The following TBCK variants were observed in gnomAD, a reference collection of about 807,000 sequenced individuals.
TBCK encodes the protein TBC1 domain containing kinase, also known as TBC domain-containing protein kinase-like protein.
A neutral mutation model predicts 113.4 loss-of-function variants in TBCK; 99 were observed. The observed-to-expected ratio is 0.87, with a 90% CI of 0.74 to 1.03. The LOEUF (loss-of-function observed/expected upper bound fraction) is 1.03. Ranked by LOEUF, TBCK falls within the 50% of genes least tolerant of loss-of-function variation. The pLI is 0.00. For synonymous variants in TBCK, 369 were observed against 370.8 expected (o/e 1.00, Z 0.05); for missense variants, 1,045 against 1,061.3 (o/e 0.98, Z 0.21).
intron 3 of TBCK, among the ~76,000 whole-genome samples, chr4:106,290,660 T>G (rs966195219): frequency 6.6e-6 from 1 of 152,058 alleles, no homozygotes; most frequent in African/African-American, 2.4e-5. Flanking sequence ...ACAACAGGGG[T>G]TCCCAACCCC....
At chr4:106,212,703 G>T in intron 20 of TBCK, 47 bp downstream of exon 20, 1 of 1,306,670 alleles carries the variant, frequency 7.7e-7, no homozygotes, top group Non-Finnish European at 1.1e-6. Flanking sequence ...AATAATTTCT[G>T]CTTTTTTTTT....
intron 19 of TBCK, among the ~76,000 whole-genome samples, chr4:106,219,726 A>G (rs920145145): frequency 1.3e-5 from 2 of 151,894 alleles, no homozygotes; most frequent in African/African-American, 4.8e-5. Context: ...TTAAATATAG[A>G]CTGGGTTTTG....
intron 23 of TBCK, 53 bp downstream of exon 23, chr4:106,171,042 T>A: frequency 6.9e-7 from 1 of 1,440,222 alleles, no homozygotes; most frequent in East Asian, 2.4e-5. Context: ...GGTATATTAA[T>A]TTTAACATCC....
At position 106,244,744 on chromosome 4, in the gene TBCK, C is replaced by G; in HGVS notation, c.952G>C (p.Ala318Pro). Residue 318 changes from alanine to proline, a missense_variant, in exon 11 of 26, where the codon GCA (alanine) becomes CCA (proline). Ala to Pro is a conservative substitution (Grantham distance 27). Coordinates refer to ENST00000394708, the MANE Select transcript of TBCK (RefSeq NM_001163435.3). The part of the protein sequence containing the change: ...LCKDINNDYL[A>P]ERSIEEVYYL... Reference sequence around the variant, plus strand: ...TACACTTCTTCAATAGATCTTTCTGCCAGGTAATCATTATTTATATCTATT... The same window carrying G: ...TACACTTCTTCAATAGATCTTTCTGGCAGGTAATCATTATTTATATCTATT... 1 of 1,589,648 alleles carries G rather than the reference C, an allele frequency of 6.3e-7. No homozygotes were observed. Among genetic ancestry groups the G allele is most frequent in the Non-Finnish European group, 8.6e-7 (1 of 1,166,232 alleles).
chr4:106,307,650 G>A lies in TBCK; in HGVS notation c.193+1118C>T, dbSNP rs907154507. Among the ~76,000 whole-genome samples the A allele has an allele frequency of 3.3e-5, 5 of 151,922 alleles. 1 individual carries two copies. Among genetic ancestry groups the A allele is most frequent in the Admixed American group, 3.3e-4 (5 of 15,260 alleles). ...AGTTGAATATCACCAACTACATAGG[G>A]TTTACTTTCAGATTTTTTTACGTCT... On this transcript the variant is annotated intron_variant, in intron 2 of 25. Transcript: ENST00000394708.
At chr4:106,070,839 C>G (rs1439065926) in intron 25 of TBCK, among the ~76,000 whole-genome samples, 1 of 152,092 alleles carries the variant, frequency 6.6e-6, no homozygotes, top group South Asian at 2.1e-4. Context: ...TTGGTCTGTT[C>G]AGGGATTCAA....
intron 25 of TBCK, among the ~76,000 whole-genome samples, chr4:106,089,732 A>T (rs925081940): frequency 6.6e-6 from 1 of 152,210 alleles, no homozygotes; most frequent in African/African-American, 2.4e-5. Flanking sequence ...CAAGTCTGAA[A>T]CTCAGCAGGA....
chr4:106,231,730 T>A lies in TBCK; in HGVS notation c.1689A>T (p.Glu563Asp). 1 of 1,608,202 alleles carries A rather than the reference T, an allele frequency of 6.2e-7. No homozygotes were observed. ...APFLYLNFNN[E>D]ALAYACMSAF... ...TATTTAAATGTTAAAGAGGCTTACC[T>A]TCATTATTGAAGTTTAGATATAGGA... The change falls in exon 18 of 26, where the codon GAA (glutamate) becomes GAT (aspartate). Residue 563 changes from glutamate to aspartate, a missense_variant and splice_region_variant. Physicochemically the swap from Glu to Asp is conservative, Grantham distance 45. Transcript: ENST00000394708.
chr4:106,119,422 C>A (rs1464298418), intron 23 of TBCK, among the ~76,000 whole-genome samples: 6 of 152,092 alleles, frequency 3.9e-5, no homozygotes, highest in Non-Finnish European at 8.8e-5. Flanking sequence ...AAAGGACAGT[C>A]TTTTCAATAA....
intron 25 of TBCK, among the ~76,000 whole-genome samples, chr4:106,078,782 C>T (rs1250633098): frequency 1.3e-5 from 2 of 151,798 alleles, no homozygotes; most frequent in African/African-American, 2.4e-5. Context: ...TTCTGCAGCT[C>T]ATTCTATGAA....
intron 23 of TBCK, among the ~76,000 whole-genome samples, chr4:106,149,649 G>A (rs11097914): frequency 6.6e-6 from 1 of 151,952 alleles, no homozygotes; most frequent in African/African-American, 2.4e-5. Flanking sequence ...ACATCAAAGA[G>A]CACTGATCAC....
intron 22 of TBCK, among the ~76,000 whole-genome samples, chr4:106,189,692 G>A (rs971630979): frequency 6.6e-6 from 1 of 151,736 alleles, no homozygotes; most frequent in African/African-American, 2.4e-5. Context: ...TATAGCATTC[G>A]TATTTTGGTA....
chr4:106,075,142 T>C (rs1261344768), intron 25 of TBCK, among the ~76,000 whole-genome samples: 1 of 151,894 alleles, frequency 6.6e-6, no homozygotes, highest in African/African-American at 2.4e-5. Flanking sequence ...TCAAAATTAG[T>C]GGGAAGGAAA....
In TBCK at chr4:106,208,587, C is replaced by T. The variant is rs116463942; in HGVS notation, c.1860+4163G>A. Among the ~76,000 whole-genome samples the T allele has an allele frequency of 6.6e-3, 1,011 of 152,244 alleles. 16 individuals carry two copies. In the South Asian group the frequency reaches 0.083, roughly 13 times the overall value. On this transcript the variant is annotated intron_variant, in intron 20 of 25. Transcript: ENST00000394708. ...TGTCCAACTCAGGCTTCCTTCTCTGCTGAGAGCTGTTTTGTTACTGAGTAA... is the reference window on the plus strand; with the variant it reads ...TGTCCAACTCAGGCTTCCTTCTCTGTTGAGAGCTGTTTTGTTACTGAGTAA...
At chr4:106,230,812 G>A (rs1758774743) in intron 18 of TBCK, among the ~76,000 whole-genome samples, 1 of 151,724 alleles carries the variant, frequency 6.6e-6, no homozygotes, top group Admixed American at 6.6e-5. Context: ...GCAAACAAGA[G>A]TCTACGAACT....
Position 106,043,176 on chromosome 4 carries a change from AT to A in TBCK, c.*3393del, listed in dbSNP as rs1248328461. On this transcript the variant is annotated 3_prime_UTR_variant, in exon 26 of 26. Transcript: ENST00000394708. The stretch of plus-strand genomic sequence containing the variant: ...TTTCAAACTTGGTTAAGCATTAGTT[AT>A]TTTTAATATGCTTTTTGAATCTAAC... 2.6e-5 allele frequency: 4 copies of A among 152,270 alleles called. No individual in the cohort carries two copies. Among genetic ancestry groups the A allele is most frequent in the African/African-American group, 9.6e-5 (4 of 41,556 alleles). The allele number at this position is 152,270 out of a possible 1,614,324, so 9.4% of individuals were successfully genotyped here. A position where few individuals can be genotyped will look rare whatever the true frequency, so the allele number is the denominator to read the frequency against.
chr4:106,303,524 G>C (rs1010737355), intron 2 of TBCK, among the ~76,000 whole-genome samples: 3 of 151,998 alleles, frequency 2.0e-5, no homozygotes, highest in African/African-American at 7.3e-5. Context: ...CATTTCCTTA[G>C]ATGTTTACTA....
chr4:106,071,489 G>A (rs970854247), intron 25 of TBCK, among the ~76,000 whole-genome samples: 2 of 152,054 alleles, frequency 1.3e-5, no homozygotes, highest in African/African-American at 2.4e-5. Context: ...CTGTTCTTTT[G>A]CATTTGCTGA....
intron 2 of TBCK, among the ~76,000 whole-genome samples, chr4:106,307,827 G>A (rs1479823106): frequency 6.6e-6 from 1 of 151,936 alleles, no homozygotes; most frequent in East Asian, 1.9e-4. Context: ...TTTAAGTGGA[G>A]AATGAAAGAA....
Sources: gnomAD v4.1 joint callset for allele counts (sites outside exome capture counted in the v4.1 genomes callset) on GRCh38, gnomAD v4.1.1 for gene constraint, MANE v1.5 for transcripts, NCBI Gene and HGNC (gene_info 2026-07-23, HGNC 2026-07-21) for gene names.